Variants in LRRTM4 observed in about 807,000 individuals in gnomAD.
LRRTM4 encodes the protein leucine-rich repeat transmembrane neuronal protein 4.
A neutral mutation model predicts 47.6 loss-of-function variants in LRRTM4; 25 were observed. The ratio of observed to expected loss-of-function variants is 0.53; its 90% CI spans 0.38 to 0.73. The LOEUF (loss-of-function observed/expected upper bound fraction) is 0.73, where lower values mean the gene tolerates loss of function less well. Ranked by LOEUF, LRRTM4 falls within the 30% of genes least tolerant of loss-of-function variation. The pLI is 0.00. For missense variants in LRRTM4, 638 were observed against 713.4 expected (o/e 0.89, Z 1.20); for synonymous variants, 311 against 269.5 (o/e 1.15, Z -1.51).
At chr2:77,395,941 G>T (rs955151171) in intron 3 of LRRTM4, among the ~76,000 whole-genome samples, 3 of 151,788 alleles carry the variant, frequency 2.0e-5, no homozygotes, top group African/African-American at 7.3e-5. Flanking sequence ...ATAATTACAT[G>T]AAAATGAATG....
At chr2:76,885,452 CA>C (rs1673043446) in intron 3 of LRRTM4, among the ~76,000 whole-genome samples, 1 of 139,702 alleles carries the variant, frequency 7.2e-6, no homozygotes, top group South Asian at 2.2e-4. Context: ...AAAGTTTTGA[CA>C]AAAACATGCT....
chr2:76,862,752 T>C (rs886170720), intron 3 of LRRTM4, among the ~76,000 whole-genome samples: 5 of 152,224 alleles, frequency 3.3e-5, no homozygotes, highest in African/African-American at 1.2e-4. Context: ...GAATCACATT[T>C]GAACAATCTA....
intron 3 of LRRTM4, among the ~76,000 whole-genome samples, chr2:76,954,660 A>G (rs2103895756): frequency 6.6e-6 from 1 of 151,978 alleles, no homozygotes; most frequent in African/African-American, 2.4e-5. Flanking sequence ...AAATCTGGGG[A>G]AAGAAATGAA....
intron 3 of LRRTM4, among the ~76,000 whole-genome samples, chr2:77,191,993 A>T (rs1673682859): frequency 6.6e-6 from 1 of 152,098 alleles, no homozygotes; most frequent in Non-Finnish European, 1.5e-5. Context: ...ACATCCAACT[A>T]GTAAATAAGA....
At chr2:77,392,532 C>A (rs756592767) in intron 3 of LRRTM4, among the ~76,000 whole-genome samples, 2 of 151,992 alleles carry the variant, frequency 1.3e-5, no homozygotes, top group Non-Finnish European at 1.5e-5. Flanking sequence ...TTTAGCCTTA[C>A]AAAAGAAGCC....
intron 3 of LRRTM4, among the ~76,000 whole-genome samples, chr2:77,350,113 G>A (rs553499113): frequency 6.6e-6 from 1 of 150,872 alleles, no homozygotes; most frequent in Non-Finnish European, 1.5e-5. Context: ...ATGAGGTCAG[G>A]AGATCGAGAC....
At chr2:77,487,039 T>A (rs917903976) in intron 3 of LRRTM4, among the ~76,000 whole-genome samples, 6 of 152,094 alleles carry the variant, frequency 3.9e-5, no homozygotes, top group Non-Finnish European at 7.3e-5. Context: ...CTAGCAAAAA[T>A]TTAAAAATTA....
At chr2:77,042,858 A>AAGAGTGGGAGAGGT (rs1679083958) in intron 3 of LRRTM4, among the ~76,000 whole-genome samples, 3 of 151,684 alleles carry the variant, frequency 2.0e-5, no homozygotes, top group Admixed American at 1.3e-4. Flanking sequence ...CTCTTCTTAG[A>AAGAGTGGGAGAGGT]CAAAGTCTCT....
chr2:77,512,403 A>G (rs1679054483), intron 3 of LRRTM4, among the ~76,000 whole-genome samples: 1 of 152,124 alleles, frequency 6.6e-6, no homozygotes, highest in South Asian at 2.1e-4. Context: ...TCCTTTCATG[A>G]ATATTGAGAT....
At chr2:77,105,327 G>A (rs1671065932) in intron 3 of LRRTM4, among the ~76,000 whole-genome samples, 1 of 152,000 alleles carries the variant, frequency 6.6e-6, no homozygotes, top group Non-Finnish European at 1.5e-5. Flanking sequence ...ATCATTGTTG[G>A]ACAAATGATG....
intron 3 of LRRTM4, among the ~76,000 whole-genome samples, chr2:76,874,449 G>A (rs56954629): frequency 3.9e-4 from 60 of 151,988 alleles, no homozygotes; most frequent in African/African-American, 1.4e-3. Context: ...GTAATAAAGC[G>A]GAAATATTCA....
chr2:77,363,077 GT>G (rs1672302376), intron 3 of LRRTM4, among the ~76,000 whole-genome samples: 1 of 152,156 alleles, frequency 6.6e-6, no homozygotes, highest in Non-Finnish European at 1.5e-5. Context: ...ATCAGTAAGG[GT>G]TAAGCAACAA....
chr2:76,801,865 C>G (rs972841138), intron 3 of LRRTM4, among the ~76,000 whole-genome samples: 2 of 152,010 alleles, frequency 1.3e-5, no homozygotes, highest in African/African-American at 2.4e-5. Context: ...CAATGAAGGA[C>G]AAACACCATA....
intron 3 of LRRTM4, among the ~76,000 whole-genome samples, chr2:77,020,588 T>C (rs1678232404): frequency 7.0e-6 from 1 of 143,116 alleles, no homozygotes; most frequent in Admixed American, 7.1e-5. Context: ...AAACACAAAT[T>C]ACACACTCTC....
intron 3 of LRRTM4, among the ~76,000 whole-genome samples, chr2:77,454,808 C>T (rs934583547): frequency 1.3e-5 from 2 of 152,104 alleles, no homozygotes; most frequent in South Asian, 2.1e-4. Context: ...ATAAATGATG[C>T]CCAATCAATA....
chr2:77,336,410 T>C (rs925473009), intron 3 of LRRTM4, among the ~76,000 whole-genome samples: 3 of 152,082 alleles, frequency 2.0e-5, no homozygotes, highest in East Asian at 3.9e-4. Context: ...ACCAAAATTA[T>C]AGTTTTAAAG....
chr2:77,164,285 A>G (rs1672816947), intron 3 of LRRTM4, among the ~76,000 whole-genome samples: 1 of 152,232 alleles, frequency 6.6e-6, no homozygotes, highest in South Asian at 2.1e-4. Context: ...TATGTACCCA[A>G]TACAGGAGCA....
chr2:76,762,951 T>A (rs1472008402), intron 3 of LRRTM4, among the ~76,000 whole-genome samples: 1 of 152,086 alleles, frequency 6.6e-6, no homozygotes, highest in Non-Finnish European at 1.5e-5. Context: ...ATGGGTAGAG[T>A]TTATGTAATA....
At chr2:76,901,306 G>T (rs892368070) in intron 3 of LRRTM4, among the ~76,000 whole-genome samples, 25 of 152,172 alleles carry the variant, frequency 1.6e-4, no homozygotes, top group African/African-American at 6.0e-4. Flanking sequence ...GCAGTGTTTG[G>T]TTTTCTGTTC....
Sources: allele counts gnomAD v4.1 joint callset (sites outside exome capture counted in the v4.1 genomes callset), GRCh38; gene constraint gnomAD v4.1.1; transcripts MANE v1.5; gene names NCBI Gene and HGNC (gene_info 2026-07-23, HGNC 2026-07-21).